The following DNAH6 variants were observed in gnomAD, a reference collection of about 807,000 sequenced individuals.
DNAH6 encodes the protein dynein axonemal heavy chain 6.
A neutral mutation model predicts 491.4 loss-of-function variants in DNAH6; 340 were observed. That is an observed-to-expected ratio of 0.69 (90% CI 0.63 to 0.76). The LOEUF is 0.76. Among genes scored for constraint, DNAH6 ranks in the 30% least tolerant of loss-of-function variants. DNAH6 has a pLI of 0.00. For missense variants in DNAH6, 4,443 were observed against 4,972.2 expected, an observed-to-expected ratio of 0.89 and a Z score of 3.20; for synonymous variants, 1,603 against 1,686.1, an observed-to-expected ratio of 0.95 and a Z score of 1.21.
intron 62 of DNAH6, among the ~76,000 whole-genome samples, chr2:84,737,043 T>C (rs1558979466): frequency 6.6e-6 from 1 of 152,144 alleles, no homozygotes; most frequent in Non-Finnish European, 1.5e-5. Flanking sequence ...CATAAAGGGA[T>C]GTTGAATTTT....
At chr2:84,595,574 T>A in intron 17 of DNAH6, 72 bp from the exon 18 acceptor site, 3 of 1,330,936 alleles carry the variant, frequency 2.3e-6, no homozygotes, top group African/African-American at 1.5e-5. Flanking sequence ...TTTAAAAGTT[T>A]TTTTAGTATT....
At chr2:84,813,269 G>T in intron 74 of DNAH6, 139 bp downstream of exon 74, 2 of 663,684 alleles carry the variant, frequency 3.0e-6, no homozygotes, top group Non-Finnish European at 5.2e-6. Flanking sequence ...TAACAAGGTC[G>T]TGCTCTTCCT....
chr2:84,475,287 G>T, the DNAH6 span, among the ~76,000 whole-genome samples: 1 of 152,164 alleles, frequency 6.6e-6, no homozygotes, highest in Non-Finnish European at 1.5e-5. Context: ...GACAATTTTT[G>T]TACATTTGTA....
At chr2:84,507,851 T>G in the DNAH6 span, among the ~76,000 whole-genome samples, 1 of 152,234 alleles carries the variant, frequency 6.6e-6, no homozygotes, top group African/African-American at 2.4e-5. Flanking sequence ...TTGGTTCTGT[T>G]TATATGCTGG....
intron 61 of DNAH6, among the ~76,000 whole-genome samples, chr2:84,729,788 G>A (rs1004942550): frequency 6.6e-6 from 1 of 151,938 alleles, no homozygotes; most frequent in African/African-American, 2.4e-5. Flanking sequence ...AAATGTATTT[G>A]GGGTGTATTT....
chr2:84,572,245 A>G (rs1442324038), intron 11 of DNAH6, among the ~76,000 whole-genome samples: 1 of 152,256 alleles, frequency 6.6e-6, no homozygotes, highest in Non-Finnish European at 1.5e-5. Context: ...ATGTGTATAT[A>G]GACAGACTTA....
intron 73 of DNAH6, 43 bp from the exon 74 acceptor site, chr2:84,813,015 C>G (rs778498072): frequency 6.7e-7 from 1 of 1,501,052 alleles, no homozygotes; most frequent in South Asian, 1.2e-5. Flanking sequence ...AAACAAATTC[C>G]ATCCCAGAAA....
At chr2:84,563,852 C>T (rs569318538) in intron 11 of DNAH6, among the ~76,000 whole-genome samples, 18 of 152,050 alleles carry the variant, frequency 1.2e-4, no homozygotes, top group African/African-American at 4.3e-4. Flanking sequence ...ATCTTTAATC[C>T]ATCTTGAGTT....
chr2:84,784,895 A>G, intron 66 of DNAH6, 85 bp downstream of exon 66: 1 of 955,620 alleles, frequency 1.0e-6, no homozygotes, highest in Non-Finnish European at 1.6e-6. Context: ...CAGAGCCTGC[A>G]CAGAAGCATG....
chr2:84,505,332 A>AT, the DNAH6 span, among the ~76,000 whole-genome samples: 1 of 152,144 alleles, frequency 6.6e-6, no homozygotes, highest in Non-Finnish European at 1.5e-5. Flanking sequence ...ACCTGGATAC[A>AT]TTTTATCTCC....
chr2:84,726,960 G>A (rs1698695528), intron 60 of DNAH6, among the ~76,000 whole-genome samples: 1 of 152,028 alleles, frequency 6.6e-6, no homozygotes, highest in Admixed American at 6.5e-5. Context: ...AAATTTCCAG[G>A]TAGGAAACAA....
At chr2:84,560,137 C>T (rs1033640557) in intron 11 of DNAH6, among the ~76,000 whole-genome samples, 1 of 151,950 alleles carries the variant, frequency 6.6e-6, no homozygotes, top group Non-Finnish European at 1.5e-5. Flanking sequence ...AACTATAGTT[C>T]AGGAAAAGAA....
rs186526217 is a variant in DNAH6 at position 84,725,253 on chromosome 2, A to T, written c.9973-2416A>T. 4.9e-3 allele frequency among the ~76,000 whole-genome samples: 749 copies of T among 152,278 alleles called. 25 individuals carry two copies. The highest frequency in any genetic ancestry group is 0.047 in the Admixed American group (722 of 15,296). On this transcript the variant is annotated intron_variant, in intron 60 of 76. Coordinates refer to ENST00000389394, the MANE Select transcript of DNAH6 (RefSeq NM_001370.2). Reference sequence around the variant, plus strand: ...GCTTGATTTTTCCTCTAGAGGTCTTATTTAGTACCCTCGATAATGGTTGGA... The same window carrying T: ...GCTTGATTTTTCCTCTAGAGGTCTTTTTTAGTACCCTCGATAATGGTTGGA...
At chr2:84,710,146 G>A in intron 55 of DNAH6, 141 bp from the exon 56 acceptor site, 1 of 1,069,348 alleles carries the variant, frequency 9.4e-7, no homozygotes, top group Non-Finnish European at 1.3e-6. Context: ...TTTATTGTCG[G>A]GGGACAGGGG....
intron 22 of DNAH6, among the ~76,000 whole-genome samples, chr2:84,612,147 G>C (rs911164510): frequency 1.3e-5 from 2 of 151,908 alleles, no homozygotes; most frequent in Non-Finnish European, 2.9e-5. Flanking sequence ...TGTTGCTTCC[G>C]TGTATCAGCA....
chr2:84,587,741 A>G (rs951903960), intron 15 of DNAH6, among the ~76,000 whole-genome samples: 1 of 152,072 alleles, frequency 6.6e-6, no homozygotes, highest in African/African-American at 2.4e-5. Flanking sequence ...GCGTTTTTTC[A>G]CCTATGCCAC....
intron 66 of DNAH6, among the ~76,000 whole-genome samples, 197 bp downstream of exon 66, chr2:84,785,007 C>T (rs1056724909): frequency 6.6e-6 from 1 of 152,114 alleles, no homozygotes; most frequent in Non-Finnish European, 1.5e-5. Flanking sequence ...TATTCTAGTC[C>T]TATGGGTCAT....
chr2:84,510,725 A>G, the DNAH6 span, among the ~76,000 whole-genome samples: 1 of 151,932 alleles, frequency 6.6e-6, no homozygotes, highest in Non-Finnish European at 1.5e-5. Context: ...TTGGTCTTTG[A>G]TGATGGTGAC....
intron 63 of DNAH6, among the ~76,000 whole-genome samples, chr2:84,753,766 A>AAAAAAAAAAAAAAAC (rs1673706610): frequency 6.6e-6 from 1 of 150,716 alleles, no homozygotes; most frequent in African/African-American, 2.4e-5. Context: ...AAAAAAAAAA[A>AAAAAAAAAAAAAAAC]AAAAAAAAAA....
Sources: gnomAD v4.1 joint callset for allele counts (sites outside exome capture counted in the v4.1 genomes callset) on GRCh38, gnomAD v4.1.1 for gene constraint, MANE v1.5 for transcripts, NCBI Gene and HGNC (gene_info 2026-07-23, HGNC 2026-07-21) for gene names.